Variants in TRAF3IP1 observed in about 807,000 individuals in gnomAD.
TRAF3IP1 encodes intraflagellar transport 54.
A neutral mutation model predicts 89.9 loss-of-function variants in TRAF3IP1; 53 were observed. The observed-to-expected ratio is 0.59, with a 90% CI of 0.47 to 0.74. The LOEUF (loss-of-function observed/expected upper bound fraction) is 0.74. Ranked by LOEUF, TRAF3IP1 falls within the 30% of genes least tolerant of loss-of-function variation. The pLI is 0.00. For missense variants in TRAF3IP1, 806 were observed against 866.1 expected (o/e 0.93, Z 0.87); for synonymous variants, 311 against 322.1 (o/e 0.97, Z 0.37).
At chr2:238,354,254 T>G (rs1461916321) in intron 14 of TRAF3IP1, among the ~76,000 whole-genome samples, 1 of 152,244 alleles carries the variant, frequency 6.6e-6, no homozygotes, top group Non-Finnish European at 1.5e-5. Context: ...ACAAGGTGTT[T>G]CCAGCTTATT....
intron 15 of TRAF3IP1, among the ~76,000 whole-genome samples, chr2:238,362,250 A>AT (rs113077038): frequency 1.7e-3 from 244 of 144,980 alleles, no homozygotes; most frequent in East Asian, 5.1e-3. Flanking sequence ...TTTCAAACTA[A>AT]TTTTTTTTTT....
In TRAF3IP1 at chr2:238,373,812, G is replaced by A. The variant is rs528129056; in HGVS notation, c.1689+17732G>A. On this transcript the variant is annotated intron_variant, in intron 15 of 16. Transcript: ENST00000373327. ...TTTGTGTCTTCTTTTATTTAGTTGA[G>A]CAGTGGTTTGTAGTTCTCCTTGAAG... is the stretch of plus-strand genomic sequence containing the variant. 1.7e-4 allele frequency among the ~76,000 whole-genome samples: 26 copies of A among 152,268 alleles called. 1 individual carries two copies. The highest frequency in any genetic ancestry group is 5.8e-4 in the African/African-American group (24 of 41,552).
chr2:238,349,316 T>C lies in TRAF3IP1; in HGVS notation c.1368-9T>C. ...ACTCCTTTTTTGGTTTTCCAATATT[T>C]GGGTTTAGAAGAATTCCTCGGCCTG... On this transcript the variant is annotated splice_polypyrimidine_tract_variant and intron_variant, in intron 11 of 16. Coordinates refer to ENST00000373327, the MANE Select transcript of TRAF3IP1 (RefSeq NM_015650.4). 6.2e-7 allele frequency: 1 copy of C among 1,614,024 alleles called. No individual in the cohort carries two copies. Among genetic ancestry groups the C allele is most frequent in the Non-Finnish European group, 8.5e-7 (1 of 1,179,982 alleles).
chr2:238,352,985 A>G, intron 13 of TRAF3IP1, 35 bp downstream of exon 13: 1 of 1,588,302 alleles, frequency 6.3e-7, no homozygotes, highest in Non-Finnish European at 8.6e-7. Flanking sequence ...TTTTAATAAT[A>G]ATGTTTTACC....
rs1697968980 is a variant in TRAF3IP1, at chr2:238,328,806, T to G, written c.475T>G (p.Ser159Ala). 1 of 1,613,100 alleles carries G rather than the reference T, an allele frequency of 6.2e-7. No homozygotes were observed. The highest frequency in any genetic ancestry group is 1.3e-5 in the African/African-American group (1 of 74,706). ...TAATAAGAATGTGCGAGAAGAAGAG[T>G]CCAGAGTTCACAAAAATACAGAGGT... The part of the protein sequence containing the change: ...LDNKNVREEE[S>A]RVHKNTEDRG... Residue 159 changes from serine to alanine, a missense_variant, in exon 4 of 17, where the codon TCC becomes GCC. By Grantham distance (99) the Ser-to-Ala change is moderately conservative. Transcript: ENST00000373327.
chr2:238,368,247 C>T (rs56108200), intron 15 of TRAF3IP1, among the ~76,000 whole-genome samples: 9,055 of 152,110 alleles, frequency 0.06, 384 homozygotes, highest in Non-Finnish European at 0.082. Flanking sequence ...CTGAAATGGA[C>T]GAAACAATGG....
At chr2:238,338,340 G>A (rs1180740403) in intron 7 of TRAF3IP1, 22 bp from the exon 8 acceptor site, 3 of 1,383,796 alleles carry the variant, frequency 2.2e-6, no homozygotes, top group Non-Finnish European at 3.0e-6. Flanking sequence ...ATTTTAATCT[G>A]TTGTTAACTA....
intron 8 of TRAF3IP1, among the ~76,000 whole-genome samples, chr2:238,339,208 C>T (rs564007251): frequency 7.2e-4 from 109 of 152,240 alleles, no homozygotes; most frequent in Non-Finnish European, 1.3e-3. Context: ...CAGGAGTGGG[C>T]GCACTTGGTA....
chr2:238,360,293 G>C (rs1699601663), intron 15 of TRAF3IP1, among the ~76,000 whole-genome samples: 1 of 152,150 alleles, frequency 6.6e-6, no homozygotes, highest in Non-Finnish European at 1.5e-5. Flanking sequence ...TGGGACTGCT[G>C]AGGCATACGG....
At chr2:238,343,351 TG>T (rs1698744455) in intron 8 of TRAF3IP1, among the ~76,000 whole-genome samples, 1 of 152,206 alleles carries the variant, frequency 6.6e-6, no homozygotes, top group African/African-American at 2.4e-5. Flanking sequence ...CCCAAAGTGC[TG>T]GGATTATAGG....
intron 15 of TRAF3IP1, among the ~76,000 whole-genome samples, chr2:238,394,496 T>C (rs1701128155): frequency 6.6e-6 from 1 of 152,228 alleles, no homozygotes; most frequent in African/African-American, 2.4e-5. Flanking sequence ...TTCCAAGTCC[T>C]ATACATGTTT....
chr2:238,399,098 T>C lies in TRAF3IP1; in HGVS notation c.*179T>C. The C allele has an allele frequency of 1.7e-6, 1 of 573,372 alleles. No individual in the cohort carries two copies. The highest frequency in any genetic ancestry group is 2.9e-6 in the Non-Finnish European group (1 of 347,014). The allele number at this position is 573,372 out of a possible 1,614,324, so 35.5% of individuals were successfully genotyped here. A position where few individuals can be genotyped will look rare whatever the true frequency, so the allele number is the denominator to read the frequency against. On this transcript the variant is annotated 3_prime_UTR_variant, in exon 17 of 17. Transcript: ENST00000373327. ...CATGTTAAGTGTATTAAAAAAACCATGTTTTCTTACCTCCTTCCAGATGGA... is the reference window on the plus strand; with the variant it reads ...CATGTTAAGTGTATTAAAAAAACCACGTTTTCTTACCTCCTTCCAGATGGA...
intron 6 of TRAF3IP1, among the ~76,000 whole-genome samples, 197 bp from the exon 7 acceptor site, chr2:238,333,763 T>A (rs1344254827): frequency 6.6e-6 from 1 of 152,168 alleles, no homozygotes; most frequent in Non-Finnish European, 1.5e-5. Context: ...AAATATAGTG[T>A]GAAAAGGGTT....
rs1698805779 is a variant in TRAF3IP1 at position 238,344,582 on chromosome 2, C to T, written c.1245C>T (p.Pro415=). The T allele has an allele frequency of 4.3e-6, 7 of 1,614,026 alleles. No homozygotes were observed. The highest frequency in any genetic ancestry group is 3.3e-5 in the Admixed American group (2 of 60,006). ...GGTGTGAGAATATTCAGCCCAACCC[C>T]ACAGAGAAGCAGAAAGGTAAGAATG... ...SLRCENIQPN[P]TEKQKGDSTS... is the part of the protein sequence containing the mutation. The change falls in exon 9 of 17, where the codon CCC becomes CCT. Residue 415 remains proline (P), a synonymous_variant. Transcript: ENST00000373327.
In TRAF3IP1 at chr2:238,347,481, G is replaced by C; in HGVS notation, c.1282+6G>C. On this transcript the variant is annotated splice_donor_region_variant and intron_variant, in intron 10 of 16. Transcript: ENST00000373327. ...TGACTCCACCAGTGATGCAGGTGAGGAATGGCCTTAGATACCTGTGTGTCA... is the reference window on the plus strand; with the variant it reads ...TGACTCCACCAGTGATGCAGGTGAGCAATGGCCTTAGATACCTGTGTGTCA... 6.2e-6 allele frequency: 10 copies of C among 1,614,084 alleles called. No homozygotes were observed. The highest frequency in any genetic ancestry group is 8.5e-6 in the Non-Finnish European group (10 of 1,180,000).
chr2:238,362,011 G>T (rs11685752), intron 15 of TRAF3IP1, among the ~76,000 whole-genome samples: 3 of 151,962 alleles, frequency 2.0e-5, no homozygotes, highest in Admixed American at 6.6e-5. Flanking sequence ...AGTTGCCCTC[G>T]GCAGGGTCAC....
At position 238,332,421 on chromosome 2, in the gene TRAF3IP1, G is replaced by A. The variant is rs149599936; in HGVS notation, c.916-403G>A. Among the ~76,000 whole-genome samples the A allele has an allele frequency of 2.6e-5, 4 of 152,328 alleles. No individual in the cohort carries two copies. In the East Asian group the frequency reaches 7.7e-4, roughly 29 times the overall value. ...ATAAAGTTAGCCTGTGATCAGCAGA[G>A]GCGGCTAGGAGCAGTTTCTCCGTGG... On this transcript the variant is annotated intron_variant, in intron 5 of 16. Transcript: ENST00000373327.
At chr2:238,384,380 GTATA>G (rs58730491) in intron 15 of TRAF3IP1, among the ~76,000 whole-genome samples, 75 of 143,314 alleles carry the variant, frequency 5.2e-4, no homozygotes, top group African/African-American at 1.9e-3. Flanking sequence ...ATGTATGTAT[GTATA>G]TATATATATA....
chr2:238,394,361 C>T (rs1004925518), intron 15 of TRAF3IP1, among the ~76,000 whole-genome samples: 14 of 152,222 alleles, frequency 9.2e-5, no homozygotes, highest in Non-Finnish European at 1.9e-4. Flanking sequence ...ATTAAACATG[C>T]GTATCGGTTT....
Sources: gnomAD v4.1 joint callset for allele counts (sites outside exome capture counted in the v4.1 genomes callset) on GRCh38, gnomAD v4.1.1 for gene constraint, MANE v1.5 for transcripts, NCBI Gene and HGNC (gene_info 2026-07-23, HGNC 2026-07-21) for gene names.